Variants in CASK observed in about 807,000 individuals in gnomAD.
The protein encoded by CASK is peripheral plasma membrane protein CASK.
Under a neutral mutation model 82.9 loss-of-function variants are expected in CASK, and 4 were observed. The ratio of observed to expected loss-of-function variants is 0.05; its 90% confidence interval spans 0.02 to 0.11. The LOEUF is 0.11. CASK is among the 10% of genes least tolerant of loss of function. The pLI is 1.00. For missense variants in CASK, 358 were observed against 720.9 expected, an observed-to-expected ratio of 0.50 and a Z score of 5.76; for synonymous variants, 259 against 253.5, an observed-to-expected ratio of 1.02 and a Z score of -0.20.
chrX:41,896,410 G>T (rs2072271378), intron 1 of CASK, among the ~76,000 whole-genome samples: 1 of 111,683 alleles, frequency 9.0e-6, no homozygotes, highest in Admixed American at 9.5e-5. Context: ...CAGGAAAAAA[G>T]AAAATAAGAG....
intron 21 of CASK, among the ~76,000 whole-genome samples, chrX:41,543,157 A>T (rs776220948): frequency 5.3e-5 from 6 of 112,386 alleles, no homozygotes; most frequent in African/African-American, 1.9e-4. Context: ...TTAATGTTAG[A>T]CACTTTCCTA....
At chrX:41,857,250 C>G (rs1396134250) in intron 1 of CASK, among the ~76,000 whole-genome samples, 2 of 110,738 alleles carry the variant, frequency 1.8e-5, no homozygotes, top group Non-Finnish European at 3.8e-5. Flanking sequence ...AGCAACATCC[C>G]TAGCCTCTAC....
chrX:41,730,359 AC>A (rs1305978311), intron 5 of CASK, among the ~76,000 whole-genome samples: 2 of 111,404 alleles, frequency 1.8e-5, no homozygotes, highest in African/African-American at 6.5e-5. Context: ...AAACAAACAA[AC>A]AAAAAACCAC....
At chrX:41,708,742 G>A (rs767517191) in intron 5 of CASK, among the ~76,000 whole-genome samples, 10 of 112,093 alleles carry the variant, frequency 8.9e-5, no homozygotes, top group Non-Finnish European at 1.9e-4. Context: ...CAGCAAAAGT[G>A]GTTTAACTAG....
Position 41,861,029 on chromosome X carries a change from C to G in CASK, c.60-7802G>C, listed in dbSNP as rs748063595. The stretch of plus-strand genomic sequence containing the variant: ...AAGACTAGCATTTACTAACTCAGTA[C>G]TTATATTGACATAATTAGTACCTCT... On this transcript the variant is annotated intron_variant, in intron 1 of 26. Transcript: ENST00000378163. 9.8e-5 allele frequency among the ~76,000 whole-genome samples: 11 copies of G among 112,339 alleles called. No individual in the cohort carries two copies. In the East Asian group the frequency reaches 2.5e-3, roughly 26 times the overall value.
intron 15 of CASK, among the ~76,000 whole-genome samples, chrX:41,577,861 G>A (rs2065505816): frequency 8.9e-6 from 1 of 111,929 alleles, no homozygotes; most frequent in Middle Eastern, 4.6e-3. Context: ...GGGAGTGGAA[G>A]AAATTTATTT....
intron 2 of CASK, among the ~76,000 whole-genome samples, chrX:41,797,716 G>T (rs2069892575): frequency 8.9e-6 from 1 of 111,810 alleles, no homozygotes; most frequent in African/African-American, 3.3e-5. Context: ...CATGCCCGAA[G>T]TCACACAGAT....
chrX:41,738,623 G>A (rs181353483), intron 5 of CASK, among the ~76,000 whole-genome samples: 3 of 111,869 alleles, frequency 2.7e-5, no homozygotes, highest in East Asian at 2.8e-4. Flanking sequence ...ATATCTTGAG[G>A]GAAGGAACAC....
intron 12 of CASK, among the ~76,000 whole-genome samples, chrX:41,596,735 G>A (rs1451426879): frequency 8.9e-6 from 1 of 111,899 alleles, no homozygotes; most frequent in African/African-American, 3.2e-5. Context: ...AATGTGAACA[G>A]CTGCAAGGGA....
intron 18 of CASK, 67 bp downstream of exon 18, chrX:41,559,712 T>C: frequency 6.2e-6 from 6 of 967,908 alleles, no homozygotes; most frequent in Non-Finnish European, 7.4e-6. Context: ...AGCAAAAACA[T>C]ACAGCCATCA....
At chrX:41,727,002 C>A (rs763601413) in intron 5 of CASK, 3 of 999,637 alleles carry the variant, frequency 3.0e-6, no homozygotes, top group Non-Finnish European at 4.0e-6. Context: ...GCTCCTGTGA[C>A]AAAATTCAAG....
rs1419385292 is a variant in CASK at position 41,838,099 on chromosome X, C to T, written c.172+15016G>A. Reference sequence around the variant, plus strand: ...AACTCCTGGGCTCAAGCAATCCTCCCGCTTCAGCCTGTGAAAGTGGTGGAA... The same window carrying T: ...AACTCCTGGGCTCAAGCAATCCTCCTGCTTCAGCCTGTGAAAGTGGTGGAA... On this transcript the variant is annotated intron_variant, in intron 2 of 26. Coordinates refer to ENST00000378163, the MANE Select transcript of CASK (RefSeq NM_001367721.1). Among the ~76,000 whole-genome samples the T allele has an allele frequency of 3.6e-5, 4 of 111,803 alleles. No homozygotes were observed. In the South Asian group the frequency reaches 1.1e-3, roughly 32 times the overall value.
chrX:41,845,418 G>T (rs761983509), intron 2 of CASK, among the ~76,000 whole-genome samples: 2 of 111,788 alleles, frequency 1.8e-5, no homozygotes, highest in Admixed American at 9.5e-5. Context: ...GATTAATGCT[G>T]CTATTGTTAT....
chrX:41,711,939 T>G (rs1168752580), intron 5 of CASK, among the ~76,000 whole-genome samples: 1 of 112,514 alleles, frequency 8.9e-6, no homozygotes, highest in Admixed American at 9.3e-5. Context: ...TGTCAGCGTA[T>G]CCTCATTCTT....
chrX:41,876,150 T>C (rs1016158608), intron 1 of CASK, among the ~76,000 whole-genome samples: 1 of 111,241 alleles, frequency 9.0e-6, no homozygotes, highest in African/African-American at 3.3e-5. Flanking sequence ...TTATTAGTAT[T>C]AGTATGTATT....
At chrX:41,646,043 C>T (rs555936252) in intron 8 of CASK, among the ~76,000 whole-genome samples, 6 of 111,168 alleles carry the variant, frequency 5.4e-5, no homozygotes, top group African/African-American at 1.6e-4. Context: ...ATAAATACCC[C>T]CCTCTGTGCC....
chrX:41,674,523 C>T (rs1033799042), intron 5 of CASK, among the ~76,000 whole-genome samples: 25 of 111,312 alleles, frequency 2.2e-4, no homozygotes, highest in African/African-American at 7.8e-4. Flanking sequence ...AAATGCCATA[C>T]GCCAAAATTT....
intron 5 of CASK, among the ~76,000 whole-genome samples, chrX:41,677,673 A>T (rs912084153): frequency 8.9e-6 from 1 of 112,053 alleles, no homozygotes. Context: ...TATCTTTCAC[A>T]GTCTTACTGT....
intron 11 of CASK, among the ~76,000 whole-genome samples, chrX:41,613,736 C>T (rs950109613): frequency 2.7e-5 from 3 of 110,570 alleles, no homozygotes; most frequent in African/African-American, 6.6e-5. Context: ...ATGCAAACTC[C>T]GGAAAAACAA....
Sources: allele counts gnomAD v4.1 joint callset (sites outside exome capture counted in the v4.1 genomes callset), GRCh38; gene constraint gnomAD v4.1.1; transcripts MANE v1.5; gene names NCBI Gene and HGNC (gene_info 2026-07-23, HGNC 2026-07-21).